C1orf167: variants seen among roughly 807,000 people sequenced by gnomAD.
C1orf167 encodes the protein uncharacterized protein C1orf167.
A neutral mutation model predicts 176.5 loss-of-function variants in C1orf167; 153 were observed. The observed-to-expected ratio is 0.87, with a 90% CI of 0.76 to 0.99. C1orf167 has a LOEUF of 0.99. Ranked by LOEUF, C1orf167 falls within the 50% of genes least tolerant of loss-of-function variation. C1orf167 has a pLI of 0.00. For synonymous variants in C1orf167, 594 were observed against 752.7 expected (o/e 0.79, Z 3.45); for missense variants, 1,490 against 1,817.7 (o/e 0.82, Z 3.28).
At chr1:11,788,867 GT>G in intron 20 of C1orf167, 121 bp downstream of exon 20, 2 of 772,384 alleles carry the variant, frequency 2.6e-6, no homozygotes, top group Non-Finnish European at 3.8e-6. Context: ...GGGCCCCTTC[GT>G]TTTCAGGGGA....
intron 16 of C1orf167, chr1:11,786,133 C>T (rs1347270471): frequency 6.6e-6 from 1 of 152,122 alleles, no homozygotes; most frequent in African/African-American, 2.4e-5. Context: ...ATAATTCTCT[C>T]TACCCAAAGG....
chr1:11,776,197 C>T (rs941520453), intron 9 of C1orf167, among the ~76,000 whole-genome samples: 3 of 152,192 alleles, frequency 2.0e-5, no homozygotes, highest in African/African-American at 7.2e-5. Context: ...GCTGAGGTTG[C>T]AGTGAGCTGA....
chr1:11,780,692 A>G (rs1230697053), intron 13 of C1orf167, among the ~76,000 whole-genome samples: 1 of 152,084 alleles, frequency 6.6e-6, no homozygotes, highest in East Asian at 1.9e-4. Flanking sequence ...CGGAGCCCTG[A>G]GTTGGGAGAG....
rs776691023 is a variant in C1orf167, at chr1:11,784,209, C to T, written c.3041C>T (p.Thr1014Met). 78 of 1,267,696 alleles carry T rather than the reference C, an allele frequency of 6.2e-5. 2 individuals carry two copies. In the South Asian group the frequency reaches 8.3e-4, roughly 13 times the overall value. 78.5% of individuals were successfully genotyped at this position (1,267,696 alleles called of 1,614,324 possible). Reference protein sequence around the residue: ...FQAWCEVVRDTGVLRAQHQAF... With the variant: ...FQAWCEVVRDMGVLRAQHQAF... ...GCCTGGTGTGAGGTTGTAAGAGACA[C>T]GGGGGTGCTCCGGGCCCAGCATCAA... Residue 1014 changes from threonine (T) to methionine (M), a missense_variant, in exon 15 of 21, where the codon ACG becomes ATG. Thr to Met is a moderately conservative substitution (Grantham distance 81). Coordinates refer to ENST00000688073, the MANE Select transcript of C1orf167 (RefSeq NM_001010881.2).
intron 2 of C1orf167, among the ~76,000 whole-genome samples, chr1:11,765,096 C>G (rs1185163548): frequency 2.7e-5 from 4 of 148,734 alleles, no homozygotes; most frequent in African/African-American, 9.8e-5. Flanking sequence ...CAGAGCTGGG[C>G]CAGCCAAGAA....
In C1orf167 at chr1:11,784,210, G is replaced by A. The variant is rs1410426210; in HGVS notation, c.3042G>A (p.Thr1014=). Reference sequence around the variant, plus strand: ...CCTGGTGTGAGGTTGTAAGAGACACGGGGGTGCTCCGGGCCCAGCATCAAG... The same window carrying A: ...CCTGGTGTGAGGTTGTAAGAGACACAGGGGTGCTCCGGGCCCAGCATCAAG... The part of the protein sequence containing the change: ...FQAWCEVVRD[T]GVLRAQHQAF... Residue 1014 remains threonine, a synonymous_variant, in exon 15 of 21, where the codon ACG becomes ACA. Coordinates refer to ENST00000688073, the MANE Select transcript of C1orf167 (RefSeq NM_001010881.2). 12 of 1,269,402 alleles carry A rather than the reference G, an allele frequency of 9.5e-6. No homozygotes were observed. Among genetic ancestry groups the A allele is most frequent in the African/African-American group, 6.1e-5 (4 of 65,156 alleles). The allele number at this position is 1,269,402 out of a possible 1,614,324, so 78.6% of individuals were successfully genotyped here. A position where few individuals can be genotyped will look rare whatever the true frequency, so the allele number is the denominator to read the frequency against.
intron 19 of C1orf167, 79 bp from the exon 20 acceptor site, chr1:11,788,573 C>G (rs897523338): frequency 1.7e-6 from 2 of 1,204,990 alleles, no homozygotes; most frequent in African/African-American, 3.1e-5. Context: ...GCAGCAGTGT[C>G]GGGGGAGAAA....
At chr1:11,765,364 A>G (rs945447761) in intron 2 of C1orf167, among the ~76,000 whole-genome samples, 2 of 151,772 alleles carry the variant, frequency 1.3e-5, no homozygotes, top group African/African-American at 4.8e-5. Flanking sequence ...GCCCCTCTCC[A>G]TGTTCCCAGA....
chr1:11,782,778 C>T (rs1028787206), intron 14 of C1orf167, among the ~76,000 whole-genome samples: 1 of 151,998 alleles, frequency 6.6e-6, no homozygotes, highest in Non-Finnish European at 1.5e-5. Context: ...AAAAATTAGA[C>T]GGGCATGGTG....
rs751398873 is a variant in C1orf167, at chr1:11,778,746, C to A, written c.2426C>A (p.Ser809Ter). ...AGGGCACTGGGCCCAGATGCCACAT[C>A]AAGCTGCACCAAGACCCCCTCGGCT... ...HLRALGPDAT[S>*]SCTKTPSALE... The change falls in exon 11 of 21, where the codon TCA becomes TAA. Residue 809 changes from serine (S) to a stop codon, truncating the protein, a stop_gained. Transcript: ENST00000688073. LOFTEE classifies it high-confidence loss of function. 6 of 1,303,852 alleles carry A rather than the reference C, an allele frequency of 4.6e-6. No individual in the cohort carries two copies. The African/African-American group carries it at 9.1e-5, about 20-fold the overall frequency. 80.8% of individuals were successfully genotyped at this position (1,303,852 alleles called of 1,614,324 possible). A position where few individuals can be genotyped will look rare whatever the true frequency, so the allele number is the denominator to read the frequency against.
At position 11,784,252 on chromosome 1, in the gene C1orf167, G is replaced by A. The variant is rs1189073896; in HGVS notation, c.3084G>A (p.Leu1028=). Reference sequence around the variant, plus strand: ...AGCATCAAGCCTTTCAGGATGGCCTGAGGAGAAGAGCACTGGGGGCCGTGT... The same window carrying A: ...AGCATCAAGCCTTTCAGGATGGCCTAAGGAGAAGAGCACTGGGGGCCGTGT... ...RAQHQAFQDG[L]RRRALGAVFA... The change falls in exon 15 of 21, where the codon CTG becomes CTA. Residue 1028 remains leucine (L), a synonymous_variant. Coordinates refer to ENST00000688073, the MANE Select transcript of C1orf167 (RefSeq NM_001010881.2). 3.1e-5 allele frequency: 40 copies of A among 1,300,690 alleles called. No individual in the cohort carries two copies. The highest frequency in any genetic ancestry group is 4.1e-5 in the Non-Finnish European group (40 of 987,090). 80.6% of individuals were successfully genotyped at this position (1,300,690 alleles called of 1,614,324 possible).
intron 14 of C1orf167, among the ~76,000 whole-genome samples, chr1:11,783,020 G>A (rs1011115383): frequency 4.0e-5 from 6 of 151,870 alleles, no homozygotes; most frequent in South Asian, 2.1e-4. Context: ...GTACACTGTC[G>A]CTAAGAGAAG....
At position 11,776,171 on chromosome 1, in the gene C1orf167, C is replaced by T. The variant is rs550420348; in HGVS notation, c.2165-293C>T. Reference sequence around the variant, plus strand: ...ACTCGGGAGGCTGAGGCACAAGGATCGCTTGAACCCAGGAGGCTGAGGTTG... The same window carrying T: ...ACTCGGGAGGCTGAGGCACAAGGATTGCTTGAACCCAGGAGGCTGAGGTTG... On this transcript the variant is annotated intron_variant, in intron 9 of 20. Coordinates refer to ENST00000688073, the MANE Select transcript of C1orf167 (RefSeq NM_001010881.2). Among the ~76,000 whole-genome samples, 48 of 152,306 alleles carry T rather than the reference C, an allele frequency of 3.2e-4. 1 individual carries two copies. In the Middle Eastern group the frequency reaches 0.01, roughly 32 times the overall value.
rs1280268545 is a variant in C1orf167, at chr1:11,769,100, C to T, written c.1670C>T (p.Ala557Val). The T allele has an allele frequency of 3.0e-6, 3 of 985,772 alleles. No homozygotes were observed. The highest frequency in any genetic ancestry group is 3.5e-5 in the African/African-American group (2 of 57,230). 61.1% of individuals were successfully genotyped at this position (985,772 alleles called of 1,614,324 possible). The change falls in exon 6 of 21, where the codon GCC (alanine) becomes GTC (valine). Residue 557 changes from alanine (A) to valine (V), a missense_variant. Coordinates refer to ENST00000688073, the MANE Select transcript of C1orf167 (RefSeq NM_001010881.2). ...SLGRSTVVDP[A>V]QRSRLEHTSP... ...GGAAGAAGCACAGTGGTGGACCCCG[C>T]CCAGAGAAGCAGGCTGGAACACACC...
Position 11,775,709 on chromosome 1 carries a change from G to GAACTGGGGCTTTCT in C1orf167, c.2164+101_2164+114dup, listed in dbSNP as rs1407065024. On this transcript the variant is annotated intron_variant, in intron 9 of 20. Transcript: ENST00000688073. ...ATGTGAATTCTTGTGGGAGGTGATA[G>GAACTGGGGCTTTCT]AACTGGGGCTTTCTAGGAGGGCAGC... 5.0e-5 allele frequency: 61 copies of GAACTGGGGCTTTCT among 1,219,626 alleles called. No homozygotes were observed. In the Middle Eastern group the frequency reaches 2.8e-3, roughly 57 times the overall value. The allele number at this position is 1,219,626 out of a possible 1,614,324, so 75.6% of individuals were successfully genotyped here.
rs1200593597 is a variant in C1orf167 at position 11,767,003 on chromosome 1, C to G, written c.1217C>G (p.Ala406Gly). 30 of 1,209,630 alleles carry G rather than the reference C, an allele frequency of 2.5e-5. No homozygotes were observed. In the Admixed American group the frequency reaches 9.3e-4, roughly 38 times the overall value. The allele number at this position is 1,209,630 out of a possible 1,614,324, so 74.9% of individuals were successfully genotyped here. Residue 406 changes from alanine to glycine, a missense_variant, in exon 3 of 21, where the codon GCC (alanine) becomes GGC (glycine). By Grantham distance (60) the Ala-to-Gly change is moderately conservative. Transcript: ENST00000688073. ...VSPKQKGEEG[A>G]PRERVHREEE... is the part of the protein sequence containing the mutation. ...CCCAAGCAGAAAGGAGAGGAGGGGG[C>G]CCCGAGGGAGCGGGTCCACAGGGAG...
chr1:11,784,471 G>C lies in C1orf167; in HGVS notation c.3303G>C (p.Gln1101His). 15 of 1,303,466 alleles carry C rather than the reference G, an allele frequency of 1.2e-5. No homozygotes were observed. Among genetic ancestry groups the C allele is most frequent in the Non-Finnish European group, 1.5e-5 (15 of 988,930 alleles). 80.7% of individuals were successfully genotyped at this position (1,303,466 alleles called of 1,614,324 possible). A position where few individuals can be genotyped will look rare whatever the true frequency, so the allele number is the denominator to read the frequency against. ...GCATGCACCATGAGGCCCAGCAGCAGGCAGGAGAGAGCGCTGGGGCCCAGG... is the reference window on the plus strand; with the variant it reads ...GCATGCACCATGAGGCCCAGCAGCACGCAGGAGAGAGCGCTGGGGCCCAGG... The part of the protein sequence containing the change: ...APGMHHEAQQ[Q>H]AGESAGAQAA... The change falls in exon 15 of 21, where the codon CAG (glutamine) becomes CAC (histidine). Residue 1101 changes from glutamine to histidine, a missense_variant. Physicochemically the swap from Gln to His is conservative, Grantham distance 24 (BLOSUM62 0). Transcript: ENST00000688073.
intron 20 of C1orf167, 139 bp downstream of exon 20, chr1:11,788,885 C>A: frequency 1.6e-6 from 1 of 606,272 alleles, no homozygotes; most frequent in Non-Finnish European, 2.6e-6. Flanking sequence ...GGGAGGGGGT[C>A]AGTTCCATTA....
Position 11,766,635 on chromosome 1 carries a change from G to T in C1orf167, c.849G>T (p.Gln283His). Residue 283 changes from glutamine (Q) to histidine (H), a missense_variant, in exon 3 of 21, where the codon CAG becomes CAT. Coordinates refer to ENST00000688073, the MANE Select transcript of C1orf167 (RefSeq NM_001010881.2). This position sits in a 1 kb window ranked among gnomAD's most constrained non-coding sequence, Gnocchi z 4.5. ...GCCAGCCATTCTCCGCCCACCCCCA[G>T]CCCAGCCAGCCTGTCCTTGCTTCCT... Reference protein sequence around the residue: ...GGGQPFSAHPQPSQPVLASSD... With the variant: ...GGGQPFSAHPHPSQPVLASSD... 1 of 1,287,896 alleles carries T rather than the reference G, an allele frequency of 7.8e-7. No individual in the cohort carries two copies. Among genetic ancestry groups the T allele is most frequent in the South Asian group, 1.2e-5 (1 of 80,772 alleles). 79.8% of individuals were successfully genotyped at this position (1,287,896 alleles called of 1,614,324 possible).
Sources: gnomAD v4.1 joint callset for allele counts (sites outside exome capture counted in the v4.1 genomes callset) on GRCh38, gnomAD v4.1.1 for gene constraint, Gnocchi (gnomAD v3.1) non-coding constraint, MANE v1.5 for transcripts, NCBI Gene and HGNC (gene_info 2026-07-23, HGNC 2026-07-21) for gene names.